OPCML: variants seen among roughly 807,000 people sequenced by gnomAD.
OPCML encodes opioid binding protein/cell adhesion molecule like, also known as opioid-binding protein/cell adhesion molecule.
Under a neutral mutation model 37.8 loss-of-function variants are expected in OPCML, and 13 were observed. The observed-to-expected ratio is 0.34, with a 90% CI of 0.22 to 0.55. OPCML has a LOEUF of 0.55. OPCML is among the 20% of genes least tolerant of loss of function. The pLI is 0.91. For missense variants in OPCML, 341 were observed against 435.6 expected, an observed-to-expected ratio of 0.78 and a Z score of 1.93; for synonymous variants, 176 against 168.8, an observed-to-expected ratio of 1.04 and a Z score of -0.33.
At chr11:132,726,410 C>T (rs1458158313) in intron 2 of OPCML, among the ~76,000 whole-genome samples, 2 of 152,082 alleles carry the variant, frequency 1.3e-5, no homozygotes, top group Non-Finnish European at 2.9e-5. Flanking sequence ...TGGGAAAGAC[C>T]TGATCCCATG....
chr11:133,185,525 G>T (rs193278329), intron 1 of OPCML, among the ~76,000 whole-genome samples: 1 of 152,188 alleles, frequency 6.6e-6, no homozygotes, highest in African/African-American at 2.4e-5. Context: ...GATGGGGTTC[G>T]GAGGGTGAAG....
intron 1 of OPCML, among the ~76,000 whole-genome samples, chr11:133,118,884 C>A (rs1327942348): frequency 6.6e-6 from 1 of 152,136 alleles, no homozygotes; most frequent in Non-Finnish European, 1.5e-5. Context: ...CAGTGGAGAC[C>A]CTCCACCAAG....
At chr11:132,492,279 G>A (rs947195448) in intron 4 of OPCML, among the ~76,000 whole-genome samples, 11 of 152,020 alleles carry the variant, frequency 7.2e-5, no homozygotes, top group African/African-American at 2.7e-4. Flanking sequence ...CCCGCGAGGA[G>A]AAACAAAGGT....
intron 1 of OPCML, among the ~76,000 whole-genome samples, chr11:133,511,977 C>G (rs1948169270): frequency 6.6e-6 from 1 of 152,256 alleles, no homozygotes; most frequent in Non-Finnish European, 1.5e-5. Flanking sequence ...TCTCTTTTTC[C>G]TACTCTCACA....
intron 2 of OPCML, among the ~76,000 whole-genome samples, chr11:132,793,624 T>C (rs563655502): frequency 9.2e-5 from 14 of 152,190 alleles, no homozygotes; most frequent in Non-Finnish European, 1.5e-4. Flanking sequence ...AGGCCAATTC[T>C]ACCTTTCTAA....
At position 133,426,768 on chromosome 11, in the gene OPCML, G is replaced by T. The variant is rs1168277206; in HGVS notation, c.61+105496C>A. 2.0e-5 allele frequency among the ~76,000 whole-genome samples: 3 copies of T among 152,300 alleles called. No homozygotes were observed. The East Asian group carries it at 5.8e-4, about 29-fold the overall frequency. ...TTCACACGTGGTAGAAAGAGGAAGA[G>T]CCTCAGAATCAGTAAACACTGGAGG... is the stretch of plus-strand genomic sequence containing the variant. On this transcript the variant is annotated intron_variant, in intron 1 of 7. Transcript: ENST00000524381.
At chr11:133,099,318 A>C (rs1949051344) in intron 1 of OPCML, among the ~76,000 whole-genome samples, 1 of 151,012 alleles carries the variant, frequency 6.6e-6, no homozygotes, top group Non-Finnish European at 1.5e-5. Context: ...GCTGGAGTGC[A>C]GTGGCACAAT....
chr11:132,892,640 G>A (rs1943695749), intron 2 of OPCML, among the ~76,000 whole-genome samples: 1 of 152,122 alleles, frequency 6.6e-6, no homozygotes, highest in African/African-American at 2.4e-5. Flanking sequence ...GGTGGTGGGT[G>A]CCTCTAATCC....
intron 3 of OPCML, among the ~76,000 whole-genome samples, chr11:132,563,287 G>T (rs557680463): frequency 6.6e-6 from 1 of 152,074 alleles, no homozygotes; most frequent in African/African-American, 2.4e-5. Flanking sequence ...GTTATGCTGT[G>T]GGACAAGACA....
intron 1 of OPCML, among the ~76,000 whole-genome samples, chr11:133,479,170 C>A (rs1947318854): frequency 6.6e-6 from 1 of 152,206 alleles, no homozygotes; most frequent in Non-Finnish European, 1.5e-5. Flanking sequence ...GCAGCTGAAC[C>A]TCTTGGAGGA....
At chr11:132,728,454 C>T (rs1338870229) in intron 2 of OPCML, among the ~76,000 whole-genome samples, 2 of 152,026 alleles carry the variant, frequency 1.3e-5, no homozygotes, top group East Asian at 3.8e-4. Context: ...GAGGGGCCAG[C>T]CAGAAGATAA....
chr11:132,463,423 G>A (rs2096109450), intron 4 of OPCML, among the ~76,000 whole-genome samples: 1 of 152,216 alleles, frequency 6.6e-6, no homozygotes, highest in Non-Finnish European at 1.5e-5. Flanking sequence ...CCTCACACCA[G>A]AAGCACTTGG....
intron 1 of OPCML, among the ~76,000 whole-genome samples, chr11:133,227,097 T>A (rs1940073548): frequency 6.6e-6 from 1 of 152,174 alleles, no homozygotes; most frequent in Admixed American, 6.5e-5. Flanking sequence ...GGTGCTGTCC[T>A]CACCAGCCTT....
chr11:132,703,181 T>C (rs1943898343), intron 2 of OPCML, among the ~76,000 whole-genome samples: 1 of 152,168 alleles, frequency 6.6e-6, no homozygotes, highest in South Asian at 2.1e-4. Context: ...CTAGGTAGTA[T>C]AGCCTACTAT....
At chr11:132,743,018 T>C (rs973242728) in intron 2 of OPCML, among the ~76,000 whole-genome samples, 2 of 152,046 alleles carry the variant, frequency 1.3e-5, no homozygotes, top group South Asian at 4.2e-4. Context: ...TCTGCTTCCT[T>C]CTCAAATTCT....
intron 1 of OPCML, among the ~76,000 whole-genome samples, chr11:132,945,805 C>T (rs979867812): frequency 7.2e-5 from 11 of 152,144 alleles, no homozygotes; most frequent in East Asian, 3.9e-4. Flanking sequence ...GTTTTTGAGA[C>T]GGAGTCTCGC....
chr11:132,692,563 A>G (rs1943444838), intron 2 of OPCML, among the ~76,000 whole-genome samples: 1 of 152,236 alleles, frequency 6.6e-6, no homozygotes. Flanking sequence ...CTGGAAAATT[A>G]ATAAATCACC....
chr11:133,463,119 CAAAAAAA>C (rs558107695), intron 1 of OPCML, among the ~76,000 whole-genome samples: 1 of 49,908 alleles, frequency 2.0e-5, no homozygotes. Context: ...ACATCAGGCT[CAAAAAAA>C]AAAAAAAAAA....
At chr11:133,140,911 GAA>G (rs1949790264) in intron 1 of OPCML, among the ~76,000 whole-genome samples, 2 of 20,636 alleles carry the variant, frequency 9.7e-5, no homozygotes, top group Non-Finnish European at 1.6e-4. Context: ...CGACGACGAA[GAA>G]GAAGAAGACG....
Sources: allele counts gnomAD v4.1 joint callset (sites outside exome capture counted in the v4.1 genomes callset), GRCh38; gene constraint gnomAD v4.1.1; transcripts MANE v1.5; gene names NCBI Gene and HGNC (gene_info 2026-07-23, HGNC 2026-07-21).